Variants in CALN1 observed in about 807,000 individuals in gnomAD.
CALN1 encodes calcium-binding protein 8.
A neutral mutation model predicts 30.6 loss-of-function variants in CALN1; 17 were observed. The observed-to-expected ratio is 0.56, with a 90% CI of 0.38 to 0.83. CALN1 has a LOEUF of 0.83. Ranked by LOEUF, CALN1 falls within the 40% of genes least tolerant of loss-of-function variation. CALN1 has a pLI of 0.00. For missense variants in CALN1, 291 were observed against 354.9 expected, an observed-to-expected ratio of 0.82 and a Z score of 1.45; for synonymous variants, 156 against 131.4, an observed-to-expected ratio of 1.19 and a Z score of -1.28.
chr7:72,042,851 G>C (rs1802217354), intron 4 of CALN1, among the ~76,000 whole-genome samples: 1 of 152,068 alleles, frequency 6.6e-6, no homozygotes. Flanking sequence ...AGGAATGGTG[G>C]GACCCCTCCA....
At chr7:71,910,698 G>A (rs1322498732) in intron 5 of CALN1, among the ~76,000 whole-genome samples, 3 of 152,140 alleles carry the variant, frequency 2.0e-5, no homozygotes, top group Non-Finnish European at 2.9e-5. Context: ...GCAGATTCTA[G>A]CAGCCTCATC....
chr7:71,794,913 C>T (rs774414407), intron 6 of CALN1, among the ~76,000 whole-genome samples: 14 of 152,240 alleles, frequency 9.2e-5, no homozygotes, highest in Non-Finnish European at 1.8e-4. Flanking sequence ...CACTCTTCCC[C>T]GCTTCCTGGC....
In CALN1 at chr7:72,333,439, C is replaced by T. The variant is rs563266883; in HGVS notation, c.120-54629G>A. On this transcript the variant is annotated intron_variant, in intron 2 of 6. Coordinates refer to ENST00000395275, the MANE Select transcript of CALN1 (RefSeq NM_031468.4). The stretch of plus-strand genomic sequence containing the variant: ...CAACAATGGTGTTTTCCTTTTCCTC[C>T]TTCCGAACCACATTTGGAATTATCC... 9.2e-5 allele frequency among the ~76,000 whole-genome samples: 14 copies of T among 152,304 alleles called. No homozygotes were observed. The South Asian group carries it at 2.7e-3, about 29-fold the overall frequency.
At chr7:71,965,119 T>C in intron 5 of CALN1, among the ~76,000 whole-genome samples, 1 of 152,120 alleles carries the variant, frequency 6.6e-6, no homozygotes, top group African/African-American at 2.4e-5. Context: ...CCTCTACCTC[T>C]TGTGTTCAAG....
intron 2 of CALN1, among the ~76,000 whole-genome samples, chr7:72,326,429 C>T (rs1801283016): frequency 6.6e-6 from 1 of 152,216 alleles, no homozygotes. Context: ...ATGACACCTA[C>T]TAAGCACTAA....
intron 4 of CALN1, among the ~76,000 whole-genome samples, chr7:72,101,829 G>T (rs567959405): frequency 1.3e-5 from 2 of 152,002 alleles, no homozygotes; most frequent in Non-Finnish European, 2.9e-5. Flanking sequence ...ACCTGGGCAC[G>T]CCAAAAGCCC....
At chr7:72,395,725 G>A (rs533977335) in intron 2 of CALN1, among the ~76,000 whole-genome samples, 1 of 152,240 alleles carries the variant, frequency 6.6e-6, no homozygotes, top group African/African-American at 2.4e-5. Flanking sequence ...AAGATCATTT[G>A]AAACTCCCAT....
chr7:71,906,777 G>A (rs182280262), intron 5 of CALN1, among the ~76,000 whole-genome samples: 38 of 152,320 alleles, frequency 2.5e-4, no homozygotes, highest in South Asian at 6.2e-4. Flanking sequence ...TTAGGGCAGG[G>A]ACCCTCATTT....
chr7:72,120,864 G>A (rs1459712006), intron 3 of CALN1, among the ~76,000 whole-genome samples: 1 of 151,940 alleles, frequency 6.6e-6, no homozygotes, highest in Non-Finnish European at 1.5e-5. Flanking sequence ...TGCAGCACAG[G>A]GCCTGGCCCA....
At chr7:72,270,093 G>T (rs558769028) in intron 3 of CALN1, among the ~76,000 whole-genome samples, 1 of 148,008 alleles carries the variant, frequency 6.8e-6, no homozygotes, top group African/African-American at 2.5e-5. Context: ...GGGTGTTTCC[G>T]TGTGTGTGTG....
intron 6 of CALN1, among the ~76,000 whole-genome samples, chr7:71,806,306 CTTTTTTT>C (rs774646277): frequency 1.5e-5 from 2 of 136,708 alleles, no homozygotes; most frequent in East Asian, 2.2e-4. Context: ...TTTCCCCCTC[CTTTTTTT>C]TTTTTTTTTG....
intron 5 of CALN1, among the ~76,000 whole-genome samples, chr7:71,954,338 T>C (rs138118046): frequency 0.011 from 1,674 of 152,158 alleles, 16 homozygotes; most frequent in Non-Finnish European, 0.018. Context: ...CACACACCTG[T>C]ATTCCCAGCT....
the CALN1 span, among the ~76,000 whole-genome samples, chr7:72,492,884 C>T: frequency 6.6e-6 from 1 of 152,228 alleles, no homozygotes; most frequent in South Asian, 2.1e-4. Flanking sequence ...AGAAAATCGT[C>T]ATCTCCATCA....
intron 3 of CALN1, among the ~76,000 whole-genome samples, chr7:72,149,754 CCACAGTGATTGGCTTCTTGCACATGGGCA>C (rs1350297116): frequency 1.3e-5 from 2 of 152,074 alleles, no homozygotes; most frequent in Non-Finnish European, 2.9e-5. Flanking sequence ...AAACTCATTA[CCACAGTGATTGGCTTCTTGCACATGGGCA>C]GAAAGGACCT....
intron 3 of CALN1, among the ~76,000 whole-genome samples, chr7:72,201,697 C>G (rs1791432929): frequency 6.6e-6 from 1 of 150,712 alleles, no homozygotes; most frequent in Non-Finnish European, 1.5e-5. Context: ...ATGAATACAT[C>G]CATGTAACAA....
intron 4 of CALN1, among the ~76,000 whole-genome samples, chr7:72,050,167 G>A (rs1802747406): frequency 6.6e-6 from 1 of 152,096 alleles, no homozygotes; most frequent in Non-Finnish European, 1.5e-5. Context: ...CATAAGGGAG[G>A]TTCAGATATT....
chr7:72,037,081 G>C (rs1019464642), intron 4 of CALN1, among the ~76,000 whole-genome samples: 1 of 152,080 alleles, frequency 6.6e-6, no homozygotes, highest in East Asian at 1.9e-4. Context: ...CTGGCCTCAA[G>C]CCATCCTCCC....
chr7:71,836,561 C>A (rs1789614056), intron 5 of CALN1, among the ~76,000 whole-genome samples: 1 of 151,828 alleles, frequency 6.6e-6, no homozygotes. Flanking sequence ...GGAACTGTTT[C>A]TGGCTCACTG....
intron 5 of CALN1, among the ~76,000 whole-genome samples, chr7:71,862,193 G>T (rs1791327262): frequency 6.6e-6 from 1 of 152,194 alleles, no homozygotes; most frequent in Non-Finnish European, 1.5e-5. Context: ...ACGCCCCTTT[G>T]AAAAATCTAG....
Sources: allele counts gnomAD v4.1 joint callset (sites outside exome capture counted in the v4.1 genomes callset), GRCh38; gene constraint gnomAD v4.1.1; transcripts MANE v1.5; gene names NCBI Gene and HGNC (gene_info 2026-07-23, HGNC 2026-07-21).